The following BIVM variants were observed in gnomAD, a reference collection of about 807,000 sequenced individuals.
BIVM encodes the protein basic, immunoglobulin-like variable motif containing.
Under a neutral mutation model 61.4 loss-of-function variants are expected in BIVM, and 31 were observed. The ratio of observed to expected loss-of-function variants is 0.51; its 90% CI spans 0.38 to 0.68. The LOEUF (loss-of-function observed/expected upper bound fraction) is 0.68. Ranked by LOEUF, BIVM falls within the 30% of genes least tolerant of loss-of-function variation. The pLI is 0.00. For missense variants in BIVM, 526 were observed against 596.0 expected, an observed-to-expected ratio of 0.88 and a Z score of 1.22; for synonymous variants, 189 against 210.7, an observed-to-expected ratio of 0.90 and a Z score of 0.89.
intron 5 of BIVM, among the ~76,000 whole-genome samples, chr13:102,821,466 A>G (rs1880280217): frequency 6.6e-6 from 1 of 152,024 alleles, no homozygotes; most frequent in South Asian, 2.1e-4. Context: ...GCCAGGCACA[A>G]TGGCATGTAC....
intron 7 of BIVM, among the ~76,000 whole-genome samples, chr13:102,823,721 T>C (rs1276489188): frequency 1.3e-5 from 2 of 152,144 alleles, no homozygotes; most frequent in Non-Finnish European, 2.9e-5. Flanking sequence ...TAGTTTGCTT[T>C]TTATACTGCC....
In BIVM at chr13:102,834,470, G is replaced by A. The variant is rs1310848157; in HGVS notation, c.1039G>A (p.Gly347Arg). The A allele has an allele frequency of 6.3e-7, 1 of 1,595,738 alleles. No individual in the cohort carries two copies. Among genetic ancestry groups the A allele is most frequent in the Non-Finnish European group, 8.5e-7 (1 of 1,173,966 alleles). ...GTGAATGTATTTTATATTTAGCAGG[G>A]GACCTCTCTCACCACAGGAAGTTGA... The part of the protein sequence containing the change: ...PVKANKAFSR[G>R]PLSPQEVEYW... The change falls in exon 9 of 11, where the codon GGA becomes AGA. Residue 347 changes from glycine to arginine, a missense_variant. By Grantham distance (125) the Gly-to-Arg change is moderately radical. Around this residue, in one of 3 missense-constraint regions of BIVM, gnomAD observed 210 missense variants for 233.1 expected, o/e 0.90. Transcript: ENST00000257336.
Position 102,807,582 on chromosome 13 carries a change from TTCA to T in BIVM, c.319_321del (p.Ser107del). 1 of 1,614,216 alleles carries T rather than the reference TTCA, an allele frequency of 6.2e-7. No individual in the cohort carries two copies. The highest frequency in any genetic ancestry group is 8.5e-7 in the Non-Finnish European group (1 of 1,180,046). On this transcript the variant is annotated inframe_deletion, in exon 3 of 11. Coordinates refer to ENST00000257336, the MANE Select transcript of BIVM (RefSeq NM_017693.4). The surrounding 1 kb of genome is among the most constrained non-coding windows in gnomAD (Gnocchi z 4.0). Reference sequence around the variant, plus strand: ...GTACCTCTTTATCTGCTGGAAATAATTCATCAAGATACATTGGTATCCCGACTA... The same window carrying T: ...GTACCTCTTTATCTGCTGGAAATAATTCAAGATACATTGGTATCCCGACTA...
At position 102,821,137 on chromosome 13, in the gene BIVM, G is replaced by A; in HGVS notation, c.701+5G>A. Reference sequence around the variant, plus strand: ...CAGCACAATGGGAGCTGGAAAGTAAGTATGTCAATTTATCAGTACCCCCAA... The same window carrying A: ...CAGCACAATGGGAGCTGGAAAGTAAATATGTCAATTTATCAGTACCCCCAA... On this transcript the variant is annotated splice_donor_5th_base_variant and intron_variant, in intron 5 of 10. Coordinates refer to ENST00000257336, the MANE Select transcript of BIVM (RefSeq NM_017693.4). 1 of 1,607,108 alleles carries A rather than the reference G, an allele frequency of 6.2e-7. No homozygotes were observed. The highest frequency in any genetic ancestry group is 8.5e-7 in the Non-Finnish European group (1 of 1,178,146).
intron 9 of BIVM, among the ~76,000 whole-genome samples, chr13:102,834,976 T>G (rs749922328): frequency 9.9e-5 from 15 of 152,226 alleles, no homozygotes; most frequent in Non-Finnish European, 1.8e-4. Context: ...GCATTTGGAT[T>G]GCTTTGAGGT....
intron 3 of BIVM, among the ~76,000 whole-genome samples, chr13:102,814,351 G>A (rs1023742798): frequency 6.6e-6 from 1 of 152,078 alleles, no homozygotes; most frequent in Non-Finnish European, 1.5e-5. Flanking sequence ...GTGGCAGTGC[G>A]GGCATTTTAT....
chr13:102,817,504 G>A (rs1456814436), intron 4 of BIVM, among the ~76,000 whole-genome samples: 1 of 152,158 alleles, frequency 6.6e-6, no homozygotes, highest in South Asian at 2.1e-4. Flanking sequence ...ACATTGACGA[G>A]TTCTTTCTTT....
chr13:102,804,708 C>T (rs1034691661), intron 1 of BIVM, among the ~76,000 whole-genome samples: 11 of 152,212 alleles, frequency 7.2e-5, no homozygotes, highest in African/African-American at 2.7e-4. Flanking sequence ...GATCCACCCG[C>T]CTCAGCCTCC....
At position 102,807,204 on chromosome 13, in the gene BIVM, T is replaced by C. The variant is rs1879163172; in HGVS notation, c.-64T>C. The C allele has an allele frequency of 6.7e-7, 1 of 1,494,514 alleles. No individual in the cohort carries two copies. Among genetic ancestry groups the C allele is most frequent in the African/African-American group, 1.4e-5 (1 of 71,636 alleles). 92.6% of individuals were successfully genotyped at this position (1,494,514 alleles called of 1,614,324 possible). The stretch of plus-strand genomic sequence containing the variant: ...ATGCTGTAAACAATTGTCAAAGTTG[T>C]TTATCAAGAAACAGATAGAGTTGCA... On this transcript the variant is annotated 5_prime_UTR_variant, in exon 3 of 11. Transcript: ENST00000257336. The surrounding 1 kb of genome is among the most constrained non-coding windows in gnomAD (Gnocchi z 4.0).
At chr13:102,833,046 C>A (rs1283903150) in intron 8 of BIVM, among the ~76,000 whole-genome samples, 1 of 151,780 alleles carries the variant, frequency 6.6e-6, no homozygotes, top group Non-Finnish European at 1.5e-5. Context: ...ATTGCTTGCA[C>A]CCAGGAGTTC....
chr13:102,816,241 T>C (rs1277422696), intron 3 of BIVM, among the ~76,000 whole-genome samples, 187 bp from the exon 4 acceptor site: 2 of 152,208 alleles, frequency 1.3e-5, no homozygotes, highest in Non-Finnish European at 2.9e-5. Flanking sequence ...ATGTATTACT[T>C]CATTGTGTTT....
At chr13:102,834,344 G>A (rs942961242) in intron 8 of BIVM, 122 bp from the exon 9 acceptor site, 21 of 964,302 alleles carry the variant, frequency 2.2e-5, no homozygotes, top group Admixed American at 3.6e-5. Context: ...TCTAATGTCT[G>A]TTCTTGATGA....
Position 102,807,229 on chromosome 13 carries a change from A to C in BIVM, c.-39A>C. The C allele has an allele frequency of 5.2e-6, 8 of 1,539,520 alleles. No homozygotes were observed. The highest frequency in any genetic ancestry group is 2.0e-5 in the Admixed American group (1 of 50,540). ...TTTATCAAGAAACAGATAGAGTTGC[A>C]ACTTGTTTCTAGTAATAGAAACTTT... On this transcript the variant is annotated 5_prime_UTR_variant, in exon 3 of 11. Coordinates refer to ENST00000257336, the MANE Select transcript of BIVM (RefSeq NM_017693.4). The surrounding 1 kb of genome is among the most constrained non-coding windows in gnomAD (Gnocchi z 4.0).
Position 102,816,464 on chromosome 13 carries a change from C to T in BIVM, c.515C>T (p.Ser172Leu). ...AKKQVSKRKT[S>L]DKKGRYQKEC... Reference sequence around the variant, plus strand: ...AAACAAGTTTCCAAGAGAAAAACTTCAGATAAAAAGGGAAGATATCAGAAG... The same window carrying T: ...AAACAAGTTTCCAAGAGAAAAACTTTAGATAAAAAGGGAAGATATCAGAAG... Residue 172 changes from serine to leucine, a missense_variant, in exon 4 of 11, where the codon TCA (serine) becomes TTA (leucine). Around this residue, in one of 3 missense-constraint regions of BIVM, gnomAD observed 312 missense variants for 343.8 expected, o/e 0.91. Transcript: ENST00000257336. The T allele has an allele frequency of 1.3e-6, 2 of 1,587,774 alleles. No individual in the cohort carries two copies. The highest frequency in any genetic ancestry group is 3.7e-5 in the Admixed American group (2 of 53,906).
At chr13:102,828,138 C>T (rs1880804070) in intron 7 of BIVM, among the ~76,000 whole-genome samples, 1 of 152,134 alleles carries the variant, frequency 6.6e-6, no homozygotes. Flanking sequence ...ACTAAGCACA[C>T]TAATGGAATA....
Position 102,839,855 on chromosome 13 carries a change from G to C in BIVM, c.1502G>C (p.Gly501Ala). 1 of 1,610,022 alleles carries C rather than the reference G, an allele frequency of 6.2e-7. No homozygotes were observed. Among genetic ancestry groups the C allele is most frequent in the East Asian group, 2.2e-5 (1 of 44,858 alleles). ...SGYQGYSDYD[G>A]ND ...TACCAGGGTTACAGTGATTACGATG[G>C]GAATGATTGACTATGCTTGCTACTG... Residue 501 changes from glycine to alanine, a missense_variant, in exon 11 of 11, where the codon GGG (glycine) becomes GCG (alanine). This residue lies in a region of BIVM where 210 missense variants were observed against 233.1 expected (regional missense o/e 0.90). Transcript: ENST00000257336.
intron 10 of BIVM, 52 bp downstream of exon 10, chr13:102,838,791 G>A: frequency 1.3e-6 from 2 of 1,544,318 alleles, no homozygotes; most frequent in Non-Finnish European, 8.8e-7. Flanking sequence ...ACCAAAATGT[G>A]GTGTTTTACT....
intron 7 of BIVM, among the ~76,000 whole-genome samples, chr13:102,824,138 A>T (rs1880490493): frequency 6.6e-6 from 1 of 152,228 alleles, no homozygotes; most frequent in Admixed American, 6.5e-5. Flanking sequence ...AAAGTTTTAT[A>T]AAATGTCTGC....
chr13:102,821,908 A>ATTGTGT, intron 6 of BIVM, 61 bp downstream of exon 6: 1 of 1,572,138 alleles, frequency 6.4e-7, no homozygotes, highest in Admixed American at 1.7e-5. Context: ...ATAATGATGT[A>ATTGTGT]GATGTGTGTT....
Sources: gnomAD v4.1 joint callset for allele counts (sites outside exome capture counted in the v4.1 genomes callset) on GRCh38, gnomAD v4.1.1 for gene constraint, gnomAD v4.1.1 regional missense constraint, Gnocchi (gnomAD v3.1) non-coding constraint, MANE v1.5 for transcripts, NCBI Gene and HGNC (gene_info 2026-07-23, HGNC 2026-07-21) for gene names.